The following PPM1B variants were observed in gnomAD, a reference collection of about 807,000 sequenced individuals.
PPM1B encodes protein phosphatase, Mg2+/Mn2+ dependent 1B, also known as protein phosphatase 1B.
In PPM1B, 22 loss-of-function variants were observed where a neutral mutation model predicts 43.0. The observed-to-expected ratio is 0.51, with a 90% confidence interval of 0.37 to 0.73. The LOEUF is 0.73. PPM1B is among the 30% of genes least tolerant of loss of function. PPM1B has a pLI of 0.00. For synonymous variants in PPM1B, 217 were observed against 197.9 expected, an observed-to-expected ratio of 1.10 and a Z score of -0.81; for missense variants, 632 against 584.2, an observed-to-expected ratio of 1.08 and a Z score of -0.84.
intron 1 of PPM1B, among the ~76,000 whole-genome samples, chr2:44,191,219 T>G (rs1166787283): frequency 4.6e-5 from 7 of 152,196 alleles, no homozygotes; most frequent in African/African-American, 1.7e-4. Context: ...TTTGTTTTTG[T>G]TTTTGTTTTT....
downstream of PPM1B, chr2:44,234,496 C>G (rs188244447): frequency 6.0e-4 from 555 of 932,690 alleles, 3 homozygotes; most frequent in African/African-American, 0.01. Context: ...TCCAGCCTGG[C>G]GACAGAGCGA....
At chr2:44,200,945 G>GT (rs1337888251) in intron 1 of PPM1B, among the ~76,000 whole-genome samples, 6 of 152,308 alleles carry the variant, frequency 3.9e-5, no homozygotes, top group Admixed American at 3.9e-4. Flanking sequence ...GATGATATCT[G>GT]TGTCCCATCC....
At chr2:44,219,452 A>G (rs959366084) in intron 5 of PPM1B, among the ~76,000 whole-genome samples, 1 of 152,130 alleles carries the variant, frequency 6.6e-6, no homozygotes, top group African/African-American at 2.4e-5. Context: ...GCTAGGATTC[A>G]TTGTTGCACA....
At chr2:44,193,535 A>C (rs1356735074) in intron 1 of PPM1B, among the ~76,000 whole-genome samples, 1 of 149,580 alleles carries the variant, frequency 6.7e-6, no homozygotes, top group Admixed American at 6.7e-5. Flanking sequence ...CTAGGACTAC[A>C]TGTGCTTGCT....
intron 3 of PPM1B, 79 bp downstream of exon 3, chr2:44,209,406 T>C: frequency 1.4e-6 from 2 of 1,445,602 alleles, no homozygotes; most frequent in Non-Finnish European, 1.9e-6. Flanking sequence ...TTTTGTCGCC[T>C]GGGCGACACA....
intron 5 of PPM1B, among the ~76,000 whole-genome samples, chr2:44,224,859 T>C (rs750010002): frequency 4.6e-5 from 7 of 152,198 alleles, no homozygotes; most frequent in African/African-American, 1.7e-4. Context: ...TAAGGAAATA[T>C]AAACTTCAAT....
chr2:44,188,310 A>T (rs922836225), intron 1 of PPM1B, among the ~76,000 whole-genome samples: 1 of 151,922 alleles, frequency 6.6e-6, no homozygotes, highest in African/African-American at 2.4e-5. Context: ...TTAAAAGAAG[A>T]AGTCTTCTTT....
chr2:44,187,469 T>C (rs893727316), intron 1 of PPM1B, among the ~76,000 whole-genome samples: 2 of 152,172 alleles, frequency 1.3e-5, no homozygotes, highest in Non-Finnish European at 2.9e-5. Flanking sequence ...GGTTGTTTTA[T>C]TTATAATTTT....
At chr2:44,189,698 C>T (rs1353336788) in intron 1 of PPM1B, among the ~76,000 whole-genome samples, 1 of 152,176 alleles carries the variant, frequency 6.6e-6, no homozygotes, top group African/African-American at 2.4e-5. Flanking sequence ...CTCCTGACCT[C>T]AGTTTATCCA....
At chr2:44,195,139 C>A (rs1038782731) in intron 1 of PPM1B, among the ~76,000 whole-genome samples, 1 of 151,344 alleles carries the variant, frequency 6.6e-6, no homozygotes, top group African/African-American at 2.4e-5. Flanking sequence ...GTGATCTGCC[C>A]GTCTCGGCCT....
At chr2:44,239,324 A>G (rs1183269463), downstream of PPM1B, among the ~76,000 whole-genome samples, 6 of 151,936 alleles carry the variant, frequency 3.9e-5, no homozygotes, top group Admixed American at 1.3e-4. Context: ...TGCTCACACC[A>G]CTTGTCCATT....
In PPM1B at chr2:44,169,698, C is replaced by T. The variant is rs891594470; in HGVS notation, c.-15+424C>T. 5.9e-5 allele frequency among the ~76,000 whole-genome samples: 9 copies of T among 152,372 alleles called. No individual in the cohort carries two copies. In the South Asian group the frequency reaches 6.2e-4, roughly 11 times the overall value. On this transcript the variant is annotated intron_variant, in intron 1 of 5. Transcript: ENST00000282412. ...CTTTTACCATTCGTTTCCTCATCAG[C>T]TTCTGCCCTACTCTGCGCTCCACTT...
chr2:44,215,702 T>G (rs1278150047), intron 3 of PPM1B, among the ~76,000 whole-genome samples: 6 of 152,250 alleles, frequency 3.9e-5, no homozygotes, highest in Non-Finnish European at 8.8e-5. Context: ...AATGATTGCT[T>G]TCTACATACA....
chr2:44,231,228 T>C lies in PPM1B; in HGVS notation c.*510T>C, dbSNP rs1321405198. On this transcript the variant is annotated 3_prime_UTR_variant, in exon 6 of 6. Coordinates refer to ENST00000282412, the MANE Select transcript of PPM1B (RefSeq NM_002706.6). Reference sequence around the variant, plus strand: ...TAATTTGTGTGTTGTTTGATTTGTTTATATTTTACATCTCTGTAGTTTTAT... The same window carrying C: ...TAATTTGTGTGTTGTTTGATTTGTTCATATTTTACATCTCTGTAGTTTTAT... 1 of 982,582 alleles carries C rather than the reference T, an allele frequency of 1.0e-6. No individual in the cohort carries two copies. The highest frequency in any genetic ancestry group is 1.1e-4 in the East Asian group (1 of 8,818). 60.9% of individuals were successfully genotyped at this position (982,582 alleles called of 1,614,324 possible). A position where few individuals can be genotyped will look rare whatever the true frequency, so the allele number is the denominator to read the frequency against.
In PPM1B at chr2:44,222,525, C is replaced by T. The variant is rs79171238; in HGVS notation, c.1134+3988C>T. Among the ~76,000 whole-genome samples, 611 of 152,188 alleles carry T rather than the reference C, an allele frequency of 4.0e-3. 3 individuals carry two copies. The highest frequency in any genetic ancestry group is 0.014 in the African/African-American group (578 of 41,514). On this transcript the variant is annotated intron_variant, in intron 5 of 5. Coordinates refer to ENST00000282412, the MANE Select transcript of PPM1B (RefSeq NM_002706.6). The stretch of plus-strand genomic sequence containing the variant: ...GGGTAAAGTTGAGCAGGGGGGTGAC[C>T]TGTATTTACCCAGCTCCTACTTGTG...
chr2:44,232,312 G>A (rs533681646), downstream of PPM1B: 44 of 1,604,242 alleles, frequency 2.7e-5, no homozygotes, highest in East Asian at 9.3e-4. Context: ...TTCTCTTCCT[G>A]TAGGGTGCTG....
intron 2 of PPM1B, among the ~76,000 whole-genome samples, chr2:44,205,203 T>TTG (rs781115851): frequency 1.3e-5 from 2 of 152,010 alleles, no homozygotes; most frequent in Non-Finnish European, 2.9e-5. Flanking sequence ...GAAATGGAGG[T>TTG]TGTTTGATAT....
chr2:44,189,192 A>G (rs1051622463), intron 1 of PPM1B, among the ~76,000 whole-genome samples: 1 of 151,988 alleles, frequency 6.6e-6, no homozygotes, highest in Non-Finnish European at 1.5e-5. Context: ...GTTTCTTCAC[A>G]TGCCTCATTA....
intron 1 of PPM1B, among the ~76,000 whole-genome samples, chr2:44,194,304 C>A (rs936835452): frequency 2.0e-5 from 3 of 152,136 alleles, no homozygotes; most frequent in Admixed American, 2.0e-4. Flanking sequence ...GGAGACCAAG[C>A]ATTTTATGGA....
Sources: allele counts gnomAD v4.1 joint callset (sites outside exome capture counted in the v4.1 genomes callset), GRCh38; gene constraint gnomAD v4.1.1; transcripts MANE v1.5; gene names NCBI Gene and HGNC (gene_info 2026-07-23, HGNC 2026-07-21).